The following MCF2L variants were observed in gnomAD, a reference collection of about 807,000 sequenced individuals.
MCF2L encodes MCF.2 cell line derived transforming sequence like.
In MCF2L, 97 loss-of-function variants were observed where a neutral mutation model predicts 153.4. The ratio of observed to expected loss-of-function variants is 0.63; its 90% CI spans 0.54 to 0.75. MCF2L has a LOEUF of 0.75. MCF2L is among the 30% of genes least tolerant of loss of function. The probability of loss-of-function intolerance (pLI) is 0.00; values close to 1 mark genes in which losing one functional copy is unlikely to be tolerated. For missense variants in MCF2L, 1,347 were observed against 1,495.2 expected (o/e 0.90, Z 1.64); for synonymous variants, 659 against 632.2 (o/e 1.04, Z -0.64).
chr13:113,067,167 G>A (rs937292922), intron 8 of MCF2L, among the ~76,000 whole-genome samples: 2 of 152,400 alleles, frequency 1.3e-5, no homozygotes, highest in East Asian at 1.9e-4. Flanking sequence ...CAGGGTGGGC[G>A]TGGGGCTGAC....
intron 2 of MCF2L, among the ~76,000 whole-genome samples, chr13:112,910,787 T>C (rs79487125): frequency 6.6e-6 from 1 of 152,250 alleles, no homozygotes; most frequent in Non-Finnish European, 1.5e-5. Flanking sequence ...AGTGGAGAGC[T>C]CTTCTCGCCT....
intron 2 of MCF2L, among the ~76,000 whole-genome samples, chr13:112,918,840 G>A (rs1361986750): frequency 4.6e-5 from 7 of 152,190 alleles, no homozygotes. Context: ...ACTTTCACGA[G>A]CGGGGTCCCA....
At chr13:113,025,899 C>T (rs373363885) in intron 3 of MCF2L, among the ~76,000 whole-genome samples, 7 of 54,744 alleles carry the variant, frequency 1.3e-4, no homozygotes, top group African/African-American at 3.1e-4. Context: ...GTGAGGTTTC[C>T]CCATTGTGGG....
chr13:112,918,609 G>C (rs2081320927), intron 2 of MCF2L, among the ~76,000 whole-genome samples: 1 of 152,236 alleles, frequency 6.6e-6, no homozygotes, highest in African/African-American at 2.4e-5. Context: ...TCCAAAGTCA[G>C]CTGCCTTGGA....
At chr13:113,011,831 GA>G in intron 1 of MCF2L, among the ~76,000 whole-genome samples, 2 of 97,842 alleles carry the variant, frequency 2.0e-5, no homozygotes, top group African/African-American at 8.2e-5. Context: ...TGGACACTGT[GA>G]TGCGGACGGT....
rs979370018 is a variant in MCF2L at position 112,960,016 on chromosome 13, G to A, written c.170-54747G>A. On this transcript the variant is annotated intron_variant, in intron 2 of 29. Transcript: ENST00000375608. This position sits in a 1 kb window ranked among gnomAD's most constrained non-coding sequence, Gnocchi z 4.2. ...TGTTCTCACGCGTCGGGCTGCGGCA[G>A]AGGTGCCTGTGTCACCGAGGTCCCT... Among the ~76,000 whole-genome samples the A allele has an allele frequency of 1.3e-5, 2 of 152,268 alleles. No homozygotes were observed. Among genetic ancestry groups the A allele is most frequent in the Non-Finnish European group, 2.9e-5 (2 of 68,044 alleles).
chr13:113,046,855 A>G lies in MCF2L; in HGVS notation c.369+1494A>G, dbSNP rs2086848841. The G allele has an allele frequency of 3.0e-6, 1 of 329,830 alleles. No homozygotes were observed. The highest frequency in any genetic ancestry group is 5.9e-6 in the Non-Finnish European group (1 of 168,246). The allele number at this position is 329,830 out of a possible 1,614,324, so 20.4% of individuals were successfully genotyped here. A position where few individuals can be genotyped will look rare whatever the true frequency, so the allele number is the denominator to read the frequency against. ...TTCCAAAAAAGTAGACGTGTATAGA[A>G]TCGGTCTTCCTTTGTTTTAACAGTG... On this transcript the variant is annotated intron_variant, in intron 4 of 29. Transcript: ENST00000535094. The surrounding 1 kb of genome is among the most constrained non-coding windows in gnomAD (Gnocchi z 4.4).
intron 2 of MCF2L, among the ~76,000 whole-genome samples, chr13:112,937,764 T>A (rs978311001): frequency 1.3e-5 from 1 of 76,794 alleles, no homozygotes; most frequent in Non-Finnish European, 2.8e-5. Flanking sequence ...TCAGGTGAGC[T>A]CTGAGGGGTT....
Position 113,028,997 on chromosome 13 carries a change from G to T in MCF2L, c.278+4239G>T, listed in dbSNP as rs1165664477. Among the ~76,000 whole-genome samples the T allele has an allele frequency of 1.3e-5, 2 of 152,010 alleles. No individual in the cohort carries two copies. Among genetic ancestry groups the T allele is most frequent in the South Asian group, 2.1e-4 (1 of 4,818 alleles). ...GAGTGTGGGGTGTGGTGTGTGGGGGGTGTGTGTGAGCGTGAGTGTATGCGT... is the reference window on the plus strand; with the variant it reads ...GAGTGTGGGGTGTGGTGTGTGGGGGTTGTGTGTGAGCGTGAGTGTATGCGT... On this transcript the variant is annotated intron_variant, in intron 3 of 29. Coordinates refer to ENST00000535094, the MANE Select transcript of MCF2L (RefSeq NM_001112732.3). This position sits in a 1 kb window ranked among gnomAD's most constrained non-coding sequence, Gnocchi z 5.4.
chr13:113,084,835 C>T (rs1419118805), intron 18 of MCF2L, 57 bp from the exon 19 acceptor site: 6 of 1,342,540 alleles, frequency 4.5e-6, no homozygotes, highest in African/African-American at 1.4e-5. Context: ...CGTCCCTCAC[C>T]GCGTGATGCG....
Position 113,064,658 on chromosome 13 carries a change from T to G in MCF2L, c.606+238T>G. The G allele has an allele frequency of 3.6e-6, 2 of 555,562 alleles. No homozygotes were observed. The highest frequency in any genetic ancestry group is 6.4e-6 in the Non-Finnish European group (2 of 312,032). The allele number at this position is 555,562 out of a possible 1,614,324, so 34.4% of individuals were successfully genotyped here. A position where few individuals can be genotyped will look rare whatever the true frequency, so the allele number is the denominator to read the frequency against. On this transcript the variant is annotated intron_variant, in intron 6 of 29. Coordinates refer to ENST00000535094, the MANE Select transcript of MCF2L (RefSeq NM_001112732.3). The surrounding 1 kb of genome is among the most constrained non-coding windows in gnomAD (Gnocchi z 6.0). ...GAGACCAAAAAAAAAAAAAAAACCCTTGCGTTGTGGTTTGCAACACTCACT... is the reference window on the plus strand; with the variant it reads ...GAGACCAAAAAAAAAAAAAAAACCCGTGCGTTGTGGTTTGCAACACTCACT...
chr13:113,030,581 G>A lies in MCF2L; in HGVS notation c.278+5823G>A, dbSNP rs1255664235. 8.0e-5 allele frequency among the ~76,000 whole-genome samples: 11 copies of A among 138,042 alleles called. No individual in the cohort carries two copies. In the East Asian group the frequency reaches 1.1e-3, roughly 14 times the overall value. The allele number at this position is 138,042 out of a possible 152,430, so 90.6% of individuals were successfully genotyped here. On this transcript the variant is annotated intron_variant, in intron 3 of 29. Transcript: ENST00000535094. ...TGTGGGCCCTCGGGTGTCCGCCGAC[G>A]CAGGTGTGGACTCTCAGGTGTCCGC... is the stretch of plus-strand genomic sequence containing the variant.
rs761881625 is a variant in MCF2L, at chr13:113,084,962, G to T, written c.2132G>T (p.Cys711Phe). The T allele has an allele frequency of 6.2e-7, 1 of 1,614,036 alleles. No individual in the cohort carries two copies. The highest frequency in any genetic ancestry group is 8.5e-7 in the Non-Finnish European group (1 of 1,180,008). The change falls in exon 19 of 30, where the codon TGC (cysteine) becomes TTC (phenylalanine). Residue 711 changes from cysteine (C) to phenylalanine (F), a missense_variant. Cys to Phe is a radical substitution (Grantham distance 205). Around this residue, in one of 3 missense-constraint regions of MCF2L, gnomAD observed 144 missense variants for 238.7 expected, o/e 0.60. Coordinates refer to ENST00000535094, the MANE Select transcript of MCF2L (RefSeq NM_001112732.3). The part of the protein sequence containing the change: ...KPRSESLWRQ[C>F]SDCPFFQECQ... The stretch of plus-strand genomic sequence containing the variant: ...CGCTCTGAGAGCCTGTGGAGACAGT[G>T]CTCCGACTGCCCGTTTTTCCAGGTT...
chr13:112,934,513 G>C (rs2081494296), intron 2 of MCF2L, among the ~76,000 whole-genome samples: 1 of 119,860 alleles, frequency 8.3e-6, no homozygotes, highest in African/African-American at 2.9e-5. Flanking sequence ...TCTGATTCAA[G>C]AGGTCTGATG....
Position 113,077,728 on chromosome 13 carries a change from G to A in MCF2L, c.1660+517G>A, listed in dbSNP as rs11839627. On this transcript the variant is annotated intron_variant, in intron 13 of 29. Transcript: ENST00000535094. ...TGGTCCCAAACCCGCCCTCTATGCC[G>A]AGCCAGGCACGGCGCCATTTCCCAG... 3.7e-3 allele frequency among the ~76,000 whole-genome samples: 564 copies of A among 152,242 alleles called. 4 individuals carry two copies. Among genetic ancestry groups the A allele is most frequent in the African/African-American group, 0.013 (539 of 41,546 alleles).
chr13:112,899,705 A>G (rs540715544), intron 1 of MCF2L, among the ~76,000 whole-genome samples: 192 of 152,290 alleles, frequency 1.3e-3, no homozygotes, highest in Admixed American at 2.3e-3. Flanking sequence ...AGGGGTCCTC[A>G]GGACCCCGGA....
intron 8 of MCF2L, 66 bp from the exon 9 acceptor site, chr13:113,069,993 C>A: frequency 8.9e-7 from 1 of 1,127,468 alleles, no homozygotes; most frequent in Non-Finnish European, 1.3e-6. Flanking sequence ...CTTGAACACC[C>A]ACCGCGCTCC....
At chr13:112,917,051 T>G (rs899068193) in intron 2 of MCF2L, 8 of 470,916 alleles carry the variant, frequency 1.7e-5, no homozygotes, top group Non-Finnish European at 3.5e-5. Context: ...CGGATTCCTG[T>G]CAACTCAAAG....
At chr13:112,979,906 T>C in intron 1 of MCF2L, 1 of 704,172 alleles carries the variant, frequency 1.4e-6, no homozygotes, top group Non-Finnish European at 2.3e-6. Context: ...CTTAAAAAGG[T>C]AGAGATAACT....
Sources: gnomAD v4.1 joint callset for allele counts (sites outside exome capture counted in the v4.1 genomes callset) on GRCh38, gnomAD v4.1.1 for gene constraint, gnomAD v4.1.1 regional missense constraint, Gnocchi (gnomAD v3.1) non-coding constraint, MANE v1.5 for transcripts, NCBI Gene and HGNC (gene_info 2026-07-23, HGNC 2026-07-21) for gene names.